The following ANKRD31 variants were observed in gnomAD, a reference collection of about 807,000 sequenced individuals.
The protein encoded by ANKRD31 is ankyrin repeat domain-containing protein 31.
ANKRD31 carries 147 observed loss-of-function variants against 186.0 expected under a neutral mutation model. That is an observed-to-expected ratio of 0.79 (90% CI 0.69 to 0.91). The LOEUF (loss-of-function observed/expected upper bound fraction) is 0.91. ANKRD31 is among the 40% of genes least tolerant of loss of function. The probability of loss-of-function intolerance (pLI) is 0.00; values close to 1 mark genes in which losing one functional copy is unlikely to be tolerated. For missense variants in ANKRD31, 1,986 were observed against 2,148.8 expected, an observed-to-expected ratio of 0.92 and a Z score of 1.50; for synonymous variants, 673 against 736.4, an observed-to-expected ratio of 0.91 and a Z score of 1.39.
chr5:75,115,781 A>C (rs1399115436), intron 19 of ANKRD31, among the ~76,000 whole-genome samples: 5 of 151,546 alleles, frequency 3.3e-5, no homozygotes, highest in Non-Finnish European at 3.0e-5. Context: ...GAGGATGTGG[A>C]GAAATAGGAA....
chr5:75,152,021 T>TGGAG (rs1295680104), intron 12 of ANKRD31, among the ~76,000 whole-genome samples: 1 of 152,012 alleles, frequency 6.6e-6, no homozygotes, highest in African/African-American at 2.4e-5. Flanking sequence ...TAAATTCCAG[T>TGGAG]GGAGGTGGGT....
intron 6 of ANKRD31, 110 bp from the exon 7 acceptor site, chr5:75,196,310 T>A: frequency 1.2e-6 from 1 of 862,656 alleles, no homozygotes; most frequent in Non-Finnish European, 1.6e-6. Flanking sequence ...CCCTCAAAAT[T>A]TATCATCAAC....
At chr5:75,138,496 G>A (rs1261620588) in intron 16 of ANKRD31, among the ~76,000 whole-genome samples, 1 of 152,104 alleles carries the variant, frequency 6.6e-6, no homozygotes, top group Non-Finnish European at 1.5e-5. Flanking sequence ...AGTATAAAAG[G>A]AGGAGAAAAG....
At chr5:75,072,159 C>T (rs549874990) in intron 25 of ANKRD31, among the ~76,000 whole-genome samples, 49 of 152,262 alleles carry the variant, frequency 3.2e-4, no homozygotes, top group African/African-American at 1.2e-3. Flanking sequence ...CTATTAGTTA[C>T]CTCTATTTTT....
intron 15 of ANKRD31, among the ~76,000 whole-genome samples, chr5:75,143,319 T>C (rs1442469179): frequency 6.6e-6 from 1 of 152,102 alleles, no homozygotes. Flanking sequence ...TATAAGGTAA[T>C]AGTCACAAAC....
intron 17 of ANKRD31, among the ~76,000 whole-genome samples, chr5:75,132,123 C>T (rs1002370061): frequency 4.6e-5 from 7 of 152,258 alleles, no homozygotes; most frequent in Non-Finnish European, 1.0e-4. Context: ...CAAAGGAACG[C>T]AGCTCCTCGC....
chr5:75,213,802 C>G (rs978126678), intron 3 of ANKRD31, among the ~76,000 whole-genome samples: 1 of 151,906 alleles, frequency 6.6e-6, no homozygotes, highest in African/African-American at 2.4e-5. Context: ...ATATCCTCAA[C>G]CAAAAAAGCA....
intron 25 of ANKRD31, among the ~76,000 whole-genome samples, chr5:75,071,461 A>G (rs1366647283): frequency 2.0e-5 from 3 of 151,334 alleles, no homozygotes; most frequent in Non-Finnish European, 4.4e-5. Flanking sequence ...GCCTAATTCA[A>G]GCACAGTTTA....
At chr5:75,206,693 G>GA (rs912192459) in intron 4 of ANKRD31, among the ~76,000 whole-genome samples, 5 of 152,000 alleles carry the variant, frequency 3.3e-5, no homozygotes, top group Admixed American at 2.0e-4. Context: ...GGAGAGAGCT[G>GA]AAAAAATAAT....
intron 17 of ANKRD31, among the ~76,000 whole-genome samples, chr5:75,131,395 C>A (rs529312704): frequency 5.9e-5 from 9 of 152,204 alleles, no homozygotes; most frequent in African/African-American, 2.2e-4. Context: ...CCCACGCCCA[C>A]AGAGCCTCAC....
At chr5:75,116,952 T>C (rs937658502) in intron 18 of ANKRD31, among the ~76,000 whole-genome samples, 11 of 152,196 alleles carry the variant, frequency 7.2e-5, no homozygotes, top group Non-Finnish European at 1.5e-5. Context: ...ATCCATTTTA[T>C]AGAAGAGGAA....
At position 75,146,191 on chromosome 5, in the gene ANKRD31, T is replaced by G; in HGVS notation, c.3220A>C (p.Ile1074Leu). ...ERNYIDRDQK[I>L]IYSNEPLSIV... Reference sequence around the variant, plus strand: ...GATAAAGGCTCATTTGAATAAATTATTTTTTGGTCTCTGTCAATGTAATTC... The same window carrying G: ...GATAAAGGCTCATTTGAATAAATTAGTTTTTGGTCTCTGTCAATGTAATTC... Residue 1074 changes from isoleucine (I) to leucine (L), a missense_variant, in exon 14 of 26, where the codon ATA becomes CTA. Coordinates refer to ENST00000506364, the MANE Select transcript of ANKRD31 (RefSeq NM_001372053.1). 6.5e-7 allele frequency: 1 copy of G among 1,535,594 alleles called. No homozygotes were observed. Among genetic ancestry groups the G allele is most frequent in the Non-Finnish European group, 8.7e-7 (1 of 1,146,038 alleles).
chr5:75,118,239 T>C lies in ANKRD31; in HGVS notation c.3935A>G (p.Lys1312Arg), dbSNP rs1172786745. The change falls in exon 18 of 26, where the codon AAG (lysine) becomes AGG (arginine). Residue 1312 changes from lysine to arginine, a missense_variant. Transcript: ENST00000506364. ...ANPNQKDQKQ[K>R]SALDEADDEK... ...ATCATCTGCTTCATCCAAAGCACTC[T>C]TCTGTTTTTGATCTTTTTGATTAGG... 2.0e-6 allele frequency: 3 copies of C among 1,527,390 alleles called. No homozygotes were observed. The East Asian group carries it at 7.4e-5, about 38-fold the overall frequency. The allele number at this position is 1,527,390 out of a possible 1,614,324, so 94.6% of individuals were successfully genotyped here. A position where few individuals can be genotyped will look rare whatever the true frequency, so the allele number is the denominator to read the frequency against.
chr5:75,173,385 C>A (rs1202430031), intron 10 of ANKRD31, among the ~76,000 whole-genome samples: 1 of 152,064 alleles, frequency 6.6e-6, no homozygotes, highest in Non-Finnish European at 1.5e-5. Flanking sequence ...CTGGCCAGGG[C>A]AATCAGGCAA....
chr5:75,157,063 G>A (rs916129138), intron 11 of ANKRD31, among the ~76,000 whole-genome samples: 1 of 152,170 alleles, frequency 6.6e-6, no homozygotes, highest in Non-Finnish European at 1.5e-5. Flanking sequence ...ACAGACATCT[G>A]GTAGAAATGT....
Position 75,230,568 on chromosome 5 carries a change from A to G in ANKRD31, c.172T>C (p.Cys58Arg), listed in dbSNP as rs1274564256. 5.9e-6 allele frequency: 9 copies of G among 1,535,868 alleles called. No homozygotes were observed. Among genetic ancestry groups the G allele is most frequent in the Non-Finnish European group, 7.9e-6 (9 of 1,145,908 alleles). Residue 58 changes from cysteine to arginine, a missense_variant, in exon 2 of 26, where the codon TGC (cysteine) becomes CGC (arginine). Physicochemically the swap from Cys to Arg is radical, Grantham distance 180 (BLOSUM62 -3). Coordinates refer to ENST00000506364, the MANE Select transcript of ANKRD31 (RefSeq NM_001372053.1). ...FSLHPDTRGM[C>R]KGMPSPEIQL... is the part of the protein sequence containing the mutation. ...TGAAAAGAATCATTCTCACCTTTGC[A>G]CATTCCTCTTGTATCAGGATGCAGA...
chr5:75,230,838 T>C (rs1004459728), intron 1 of ANKRD31, among the ~76,000 whole-genome samples: 3 of 152,228 alleles, frequency 2.0e-5, no homozygotes, highest in African/African-American at 4.8e-5. Context: ...CTCATCATGT[T>C]AATTTTACAA....
chr5:75,074,563 G>T (rs1298882550), intron 25 of ANKRD31, among the ~76,000 whole-genome samples: 1 of 152,142 alleles, frequency 6.6e-6, no homozygotes, highest in Non-Finnish European at 1.5e-5. Flanking sequence ...AGAAATCTGA[G>T]CCGACTAGGA....
intron 11 of ANKRD31, 119 bp downstream of exon 11, chr5:75,168,860 T>C: frequency 1.0e-6 from 1 of 978,220 alleles, no homozygotes; most frequent in Non-Finnish European, 1.4e-6. Flanking sequence ...ATTCTAAGTA[T>C]TCATTAGCAG....
Sources: allele counts gnomAD v4.1 joint callset (sites outside exome capture counted in the v4.1 genomes callset), GRCh38; gene constraint gnomAD v4.1.1; transcripts MANE v1.5; gene names NCBI Gene and HGNC (gene_info 2026-07-23, HGNC 2026-07-21).